The following NPAS3 variants were observed in gnomAD, a reference collection of about 807,000 sequenced individuals.
The protein encoded by NPAS3 is neuronal PAS domain protein 3, also known as neuronal PAS domain-containing protein 3.
NPAS3 carries 14 observed loss-of-function variants against 73.1 expected under a neutral mutation model. The ratio of observed to expected loss-of-function variants is 0.19; its 90% confidence interval spans 0.13 to 0.30. The LOEUF is 0.30. NPAS3 is among the 10% of genes least tolerant of loss of function. The pLI, the probability that NPAS3 is intolerant of heterozygous loss-of-function variation, is 1.00. For missense variants in NPAS3, 1,096 were observed against 1,250.0 expected, an observed-to-expected ratio of 0.88 and a Z score of 1.86; for synonymous variants, 620 against 541.5, an observed-to-expected ratio of 1.14 and a Z score of -2.01.
At chr14:33,423,795 C>T (rs927968842) in intron 4 of NPAS3, among the ~76,000 whole-genome samples, 1 of 151,868 alleles carries the variant, frequency 6.6e-6, no homozygotes, top group Non-Finnish European at 1.5e-5. Flanking sequence ...TAGCAAAGTA[C>T]ATTAACTTAG....
intron 4 of NPAS3, among the ~76,000 whole-genome samples, chr14:33,415,729 A>C (rs1362063814): frequency 1.3e-5 from 2 of 152,078 alleles, no homozygotes; most frequent in African/African-American, 4.8e-5. Flanking sequence ...AAAATTTCTC[A>C]GTCTGCCAGT....
chr14:32,956,530 T>G (rs1252567696), intron 1 of NPAS3, among the ~76,000 whole-genome samples: 1 of 152,126 alleles, frequency 6.6e-6, no homozygotes, highest in African/African-American at 2.4e-5. Flanking sequence ...CTTAACACAT[T>G]AAAAGAAATG....
intron 3 of NPAS3, among the ~76,000 whole-genome samples, chr14:33,316,497 AT>A: frequency 6.6e-6 from 1 of 152,164 alleles, no homozygotes; most frequent in Non-Finnish European, 1.5e-5. Context: ...CTCTTGAGAT[AT>A]TACTTCTAAG....
chr14:33,189,828 T>G (rs537519787), intron 2 of NPAS3, among the ~76,000 whole-genome samples: 1 of 152,322 alleles, frequency 6.6e-6, no homozygotes, highest in South Asian at 2.1e-4. Context: ...AGAATTCTGT[T>G]ATAAAGATAA....
chr14:33,141,869 G>A (rs2044059259), intron 2 of NPAS3, among the ~76,000 whole-genome samples: 2 of 152,278 alleles, frequency 1.3e-5, no homozygotes, highest in African/African-American at 4.8e-5. Flanking sequence ...CAGCAAGTAT[G>A]CCATCGCATT....
At chr14:33,500,905 A>G (rs984924978) in intron 4 of NPAS3, among the ~76,000 whole-genome samples, 4 of 151,980 alleles carry the variant, frequency 2.6e-5, no homozygotes, top group Non-Finnish European at 5.9e-5. Flanking sequence ...GGCCCAAAGA[A>G]TATTCAACAC....
chr14:33,733,342 A>G (rs941134464), intron 6 of NPAS3, among the ~76,000 whole-genome samples: 2 of 151,958 alleles, frequency 1.3e-5, no homozygotes, highest in Non-Finnish European at 2.9e-5. Flanking sequence ...TAGCATCTTC[A>G]AGCTCTCGGC....
At chr14:33,050,282 T>G (rs1464694421) in intron 1 of NPAS3, among the ~76,000 whole-genome samples, 1 of 152,222 alleles carries the variant, frequency 6.6e-6, no homozygotes, top group African/African-American at 2.4e-5. Flanking sequence ...TGTTTTAAGC[T>G]GGAATCTATT....
chr14:32,976,216 G>T (rs1440463985), intron 1 of NPAS3, among the ~76,000 whole-genome samples: 1 of 152,140 alleles, frequency 6.6e-6, no homozygotes, highest in Non-Finnish European at 1.5e-5. Context: ...CCTGCAGCCA[G>T]TGAGCGAGGT....
At position 33,506,605 on chromosome 14, in the gene NPAS3, T is replaced by G. The variant is rs369369735; in HGVS notation, c.469-53516T>G. Among the ~76,000 whole-genome samples, 8 of 152,188 alleles carry G rather than the reference T, an allele frequency of 5.3e-5. 1 individual carries two copies. The highest frequency in any genetic ancestry group is 1.9e-4 in the African/African-American group (8 of 41,560). The stretch of plus-strand genomic sequence containing the variant: ...ATCTTCTACGAAATAAATCCACAAA[T>G]TTTGTATTGATATGATTATAAGAGA... On this transcript the variant is annotated intron_variant, in intron 4 of 11. Transcript: ENST00000356141.
intron 2 of NPAS3, among the ~76,000 whole-genome samples, chr14:33,066,224 G>T (rs951210870): frequency 1.2e-4 from 18 of 152,124 alleles, no homozygotes; most frequent in African/African-American, 4.3e-4. Context: ...TGCTATCAGT[G>T]AAAACAATGG....
intron 1 of NPAS3, among the ~76,000 whole-genome samples, chr14:32,965,492 T>G (rs978202259): frequency 2.0e-5 from 3 of 152,176 alleles, no homozygotes; most frequent in African/African-American, 7.2e-5. Flanking sequence ...GAAAAATCAT[T>G]TGACAAAATT....
intron 1 of NPAS3, among the ~76,000 whole-genome samples, chr14:32,985,911 G>C (rs573180107): frequency 6.6e-6 from 1 of 152,310 alleles, no homozygotes; most frequent in East Asian, 1.9e-4. Context: ...TGAGTGAGTC[G>C]TTAGTCATAA....
At chr14:33,218,517 G>A (rs545383563) in intron 3 of NPAS3, among the ~76,000 whole-genome samples, 1 of 152,022 alleles carries the variant, frequency 6.6e-6, no homozygotes, top group Admixed American at 6.6e-5. Context: ...CCTTGAAGAC[G>A]TTCATACGGA....
At chr14:33,485,073 A>T (rs2051518071) in intron 4 of NPAS3, among the ~76,000 whole-genome samples, 1 of 152,194 alleles carries the variant, frequency 6.6e-6, no homozygotes, top group African/African-American at 2.4e-5. Flanking sequence ...TTGGAGAGGT[A>T]GGTAGGTATA....
chr14:33,522,716 T>C (rs979538452), intron 4 of NPAS3, among the ~76,000 whole-genome samples: 6 of 152,160 alleles, frequency 3.9e-5, no homozygotes, highest in African/African-American at 1.4e-4. Flanking sequence ...TTATGGTATA[T>C]ATCCCACCCT....
chr14:33,572,465 C>T lies in NPAS3; in HGVS notation c.558+12255C>T, dbSNP rs8012014. ...AATACATTAAGGTTTGTAATCCTAA[C>T]GATTGTTAGGTACAATGACAGTCTC... On this transcript the variant is annotated intron_variant, in intron 5 of 11. Transcript: ENST00000356141. 4.0e-3 allele frequency among the ~76,000 whole-genome samples: 604 copies of T among 152,180 alleles called. 8 individuals carry two copies. Among genetic ancestry groups the T allele is most frequent in the African/African-American group, 0.014 (575 of 41,528 alleles).
chr14:33,186,351 G>A (rs17470464), intron 2 of NPAS3, among the ~76,000 whole-genome samples: 7,493 of 152,252 alleles, frequency 0.049, 270 homozygotes, highest in Admixed American at 0.13. Flanking sequence ...TTATTGTAGA[G>A]ATGGTCTGGT....
intron 1 of NPAS3, among the ~76,000 whole-genome samples, chr14:32,995,009 A>G (rs1435643493): frequency 6.6e-6 from 1 of 152,188 alleles, no homozygotes; most frequent in Non-Finnish European, 1.5e-5. Flanking sequence ...AGCAATTGTT[A>G]TTTCACTAAA....
Sources: allele counts gnomAD v4.1 joint callset (sites outside exome capture counted in the v4.1 genomes callset), GRCh38; gene constraint gnomAD v4.1.1; transcripts MANE v1.5; gene names NCBI Gene and HGNC (gene_info 2026-07-23, HGNC 2026-07-21).